The following SUMF1 variants were observed in gnomAD, a reference collection of about 807,000 sequenced individuals.
SUMF1 encodes sulfatase modifying factor 1, also known as formylglycine-generating enzyme.
In SUMF1, 48 loss-of-function variants were observed where a neutral mutation model predicts 47.6. The ratio of observed to expected loss-of-function variants is 1.01; its 90% CI spans 0.80 to 1.28. SUMF1 has a LOEUF of 1.28. Ranked by LOEUF, SUMF1 falls within the 50% of genes most tolerant of loss-of-function variation. The pLI is 0.00. For synonymous variants in SUMF1, 230 were observed against 192.1 expected, an observed-to-expected ratio of 1.20 and a Z score of -1.63; for missense variants, 571 against 485.4, an observed-to-expected ratio of 1.18 and a Z score of -1.66.
At chr3:4,152,936 G>C (rs555795638) in intron 8 of SUMF1, among the ~76,000 whole-genome samples, 9 of 151,538 alleles carry the variant, frequency 5.9e-5, no homozygotes, top group East Asian at 5.8e-4. Context: ...GAGATATTTG[G>C]TATCTGGTCA....
intron 3 of SUMF1, among the ~76,000 whole-genome samples, chr3:4,432,207 G>A (rs1702254750): frequency 6.6e-6 from 1 of 151,080 alleles, no homozygotes; most frequent in African/African-American, 2.4e-5. Flanking sequence ...CTCAAATTAA[G>A]GGCATCACCA....
intron 8 of SUMF1, chr3:4,317,150 C>T (rs370552354): frequency 5.2e-6 from 8 of 1,548,036 alleles, no homozygotes; most frequent in African/African-American, 2.7e-5. Context: ...AAGAGTTCGT[C>T]GAATCCCAAA....
intron 8 of SUMF1, among the ~76,000 whole-genome samples, chr3:4,210,422 G>T (rs527304226): frequency 4.6e-5 from 7 of 152,092 alleles, no homozygotes; most frequent in African/African-American, 1.7e-4. Context: ...AGGCAATGTG[G>T]TATATACACC....
At chr3:4,311,492 T>C (rs913016222) in intron 8 of SUMF1, among the ~76,000 whole-genome samples, 13 of 152,308 alleles carry the variant, frequency 8.5e-5, no homozygotes, top group Admixed American at 4.6e-4. Context: ...AAACAGCCCA[T>C]GAAACTGCTT....
At chr3:4,155,350 A>C (rs1397334249) in intron 8 of SUMF1, among the ~76,000 whole-genome samples, 1 of 151,556 alleles carries the variant, frequency 6.6e-6, no homozygotes, top group Non-Finnish European at 1.5e-5. Context: ...AGTCCTAATG[A>C]GGGAAGGGGA....
chr3:4,184,145 TA>T (rs575408617), intron 8 of SUMF1, among the ~76,000 whole-genome samples: 77 of 139,766 alleles, frequency 5.5e-4, no homozygotes, highest in Admixed American at 5.0e-4. Context: ...GAAAAAAAAT[TA>T]AAAAAAAAAA....
intron 8 of SUMF1, among the ~76,000 whole-genome samples, chr3:4,109,323 G>A (rs1693236379): frequency 6.6e-6 from 1 of 152,032 alleles, no homozygotes; most frequent in Admixed American, 6.6e-5. Flanking sequence ...TCCCTTTGTG[G>A]GTAACCCGAC....
intron 8 of SUMF1, among the ~76,000 whole-genome samples, chr3:4,337,070 A>T (rs1172529548): frequency 6.6e-6 from 1 of 152,134 alleles, no homozygotes; most frequent in African/African-American, 2.4e-5. Flanking sequence ...TCTCTTTTAG[A>T]TATTGCTGGC....
At chr3:4,164,191 G>T (rs912183591) in intron 8 of SUMF1, among the ~76,000 whole-genome samples, 1 of 152,176 alleles carries the variant, frequency 6.6e-6, no homozygotes, top group African/African-American at 2.4e-5. Flanking sequence ...AACTGAGGAG[G>T]TGGGAGAAAT....
chr3:4,128,008 G>A (rs748848307), intron 8 of SUMF1, among the ~76,000 whole-genome samples: 2 of 151,944 alleles, frequency 1.3e-5, no homozygotes, highest in Admixed American at 6.6e-5. Context: ...TTGACCATAC[G>A]TGGAGAACCG....
intron 8 of SUMF1, among the ~76,000 whole-genome samples, chr3:4,128,355 G>T (rs1015364540): frequency 3.3e-5 from 5 of 152,170 alleles, no homozygotes; most frequent in Non-Finnish European, 7.3e-5. Flanking sequence ...TGATGAAGCA[G>T]GGGACACCGA....
intron 8 of SUMF1, among the ~76,000 whole-genome samples, chr3:4,211,763 C>CAA (rs1695800504): frequency 6.6e-6 from 1 of 152,102 alleles, no homozygotes; most frequent in Non-Finnish European, 1.5e-5. Context: ...GATAATACAT[C>CAA]AAGTCTTAGC....
chr3:4,139,059 G>C (rs1277082282), intron 8 of SUMF1, among the ~76,000 whole-genome samples: 1 of 152,046 alleles, frequency 6.6e-6, no homozygotes, highest in African/African-American at 2.4e-5. Flanking sequence ...CTATGAATCA[G>C]AGCTTAATTT....
chr3:4,405,311 A>G (rs1701340920), intron 7 of SUMF1, among the ~76,000 whole-genome samples: 1 of 152,148 alleles, frequency 6.6e-6, no homozygotes, highest in Admixed American at 6.5e-5. Context: ...AAGAGCTCAG[A>G]GGGGTGGCCT....
At position 4,254,903 on chromosome 3, in the gene SUMF1, T is replaced by A. The variant is rs940525439; in HGVS notation, c.1014+121427A>T. On this transcript the variant is annotated intron_variant and NMD_transcript_variant, in intron 8 of 12. Transcript: ENST00000448413. ...CCCTCAAAGGGAAGCCCATCAGACT[T>A]ACAGCGGATCTCTTGGCAGAAACCC... 1.2e-3 allele frequency among the ~76,000 whole-genome samples: 178 copies of A among 152,182 alleles called. 1 individual carries two copies. In the East Asian group the frequency reaches 0.023, roughly 19 times the overall value.
intron 8 of SUMF1, among the ~76,000 whole-genome samples, chr3:4,141,997 C>G (rs1488565225): frequency 6.6e-6 from 1 of 152,110 alleles, no homozygotes; most frequent in Non-Finnish European, 1.5e-5. Flanking sequence ...TCATTACAAT[C>G]AGCAAACTAC....
chr3:4,335,625 T>C (rs764868178), intron 8 of SUMF1, among the ~76,000 whole-genome samples: 5 of 152,096 alleles, frequency 3.3e-5, no homozygotes, highest in Non-Finnish European at 5.9e-5. Flanking sequence ...CCTCAGCAAA[T>C]CATCCCAATA....
Position 4,451,953 on chromosome 3 carries a change from G to A in SUMF1, c.444+923C>T, listed in dbSNP as rs532598711. The stretch of plus-strand genomic sequence containing the variant: ...CCACCTCAGCCTCCCAACGTGCTGA[G>A]ATTACAGGCGTGAGCCACCGCGCCT... On this transcript the variant is annotated intron_variant, in intron 2 of 8. Coordinates refer to ENST00000272902, the MANE Select transcript of SUMF1 (RefSeq NM_182760.4). Among the ~76,000 whole-genome samples, 5 of 152,264 alleles carry A rather than the reference G, an allele frequency of 3.3e-5. No individual in the cohort carries two copies. In the South Asian group the frequency reaches 8.3e-4, roughly 25 times the overall value.
At chr3:4,410,181 C>A (rs1262968323) in intron 7 of SUMF1, among the ~76,000 whole-genome samples, 1 of 152,228 alleles carries the variant, frequency 6.6e-6, no homozygotes, top group African/African-American at 2.4e-5. Context: ...GCACTTTCCA[C>A]ACACATGTCC....
Sources: allele counts gnomAD v4.1 joint callset (sites outside exome capture counted in the v4.1 genomes callset), GRCh38; gene constraint gnomAD v4.1.1; transcripts MANE v1.5; gene names NCBI Gene and HGNC (gene_info 2026-07-23, HGNC 2026-07-21).